MBNL2: variants seen among roughly 807,000 people sequenced by gnomAD.
MBNL2 encodes the protein muscleblind-like protein 2.
In MBNL2, 17 loss-of-function variants were observed where a neutral mutation model predicts 41.9. The observed-to-expected ratio is 0.41, with a 90% confidence interval of 0.28 to 0.61. MBNL2 has a LOEUF of 0.61. Ranked by LOEUF, MBNL2 falls within the 20% of genes least tolerant of loss-of-function variation. The pLI is 0.35. For missense variants in MBNL2, 336 were observed against 505.6 expected (o/e 0.66, Z 3.22); for synonymous variants, 195 against 182.9 (o/e 1.07, Z -0.53).
At chr13:97,195,692 A>G in the MBNL2 span, among the ~76,000 whole-genome samples, 91 of 152,338 alleles carry the variant, frequency 6.0e-4, 1 homozygote, top group Admixed American at 1.8e-3. Flanking sequence ...AATACCTGGT[A>G]TCAGATAATT....
intron 1 of MBNL2, among the ~76,000 whole-genome samples, chr13:97,271,138 T>TA (rs1566379991): frequency 1.3e-5 from 2 of 150,606 alleles, no homozygotes; most frequent in Non-Finnish European, 3.0e-5. Flanking sequence ...TTTTTTTTTT[T>TA]GAGACAGAGG....
At chr13:97,362,546 A>T (rs1022955762) in intron 7 of MBNL2, among the ~76,000 whole-genome samples, 2 of 152,124 alleles carry the variant, frequency 1.3e-5, no homozygotes, top group African/African-American at 4.8e-5. Context: ...CAGTTCAAAG[A>T]AAAGAAAAAT....
At chr13:97,226,284 C>A (rs2041600238) in intron 1 of MBNL2, among the ~76,000 whole-genome samples, 1 of 152,176 alleles carries the variant, frequency 6.6e-6, no homozygotes, top group African/African-American at 2.4e-5. Flanking sequence ...GGCTGGCCTG[C>A]CCTCCTCAAT....
chr13:97,188,101 A>G, the MBNL2 span, among the ~76,000 whole-genome samples: 1 of 152,192 alleles, frequency 6.6e-6, no homozygotes, highest in Non-Finnish European at 1.5e-5. Context: ...ATTCACCCGC[A>G]GAGTAATTGT....
chr13:97,144,160 T>A, the MBNL2 span, among the ~76,000 whole-genome samples: 1 of 151,680 alleles, frequency 6.6e-6, no homozygotes, highest in African/African-American at 2.4e-5. Context: ...AAATGATTAT[T>A]GATGTGGTGC....
chr13:97,310,020 TAAC>T (rs2058448995), intron 2 of MBNL2, among the ~76,000 whole-genome samples: 2 of 152,228 alleles, frequency 1.3e-5, no homozygotes, highest in Non-Finnish European at 2.9e-5. Flanking sequence ...TGAAGAGATT[TAAC>T]CAAAGTGGAG....
In MBNL2 at chr13:97,334,353, G is replaced by T. The variant is rs2060701189; in HGVS notation, c.252G>T (p.Arg84Ser). The change falls in exon 3 of 9, where the codon AGG (arginine) becomes AGT (serine). Residue 84 changes from arginine (R) to serine (S), a missense_variant. Transcript: ENST00000679496. The surrounding 1 kb of genome is among the most constrained non-coding windows in gnomAD (Gnocchi z 5.3). Reference protein sequence around the residue: ...HLKTQLEINGRNNLIQQKTAA... With the variant: ...HLKTQLEINGSNNLIQQKTAA... Reference sequence around the variant, plus strand: ...AAACTCAACTAGAAATTAATGGAAGGAACAATTTGATTCAGCAAAAAACTG... The same window carrying T: ...AAACTCAACTAGAAATTAATGGAAGTAACAATTTGATTCAGCAAAAAACTG... 6.2e-7 allele frequency: 1 copy of T among 1,613,504 alleles called. No homozygotes were observed. Among genetic ancestry groups the T allele is most frequent in the Non-Finnish European group, 8.5e-7 (1 of 1,179,728 alleles).
At chr13:97,301,256 G>A (rs1028457002) in intron 2 of MBNL2, among the ~76,000 whole-genome samples, 6 of 152,130 alleles carry the variant, frequency 3.9e-5, no homozygotes, top group African/African-American at 1.2e-4. Flanking sequence ...TTTTGCCTGC[G>A]TTACTCCATT....
intron 2 of MBNL2, among the ~76,000 whole-genome samples, chr13:97,299,648 A>ATATC (rs59785563): frequency 0.11 from 16,304 of 149,290 alleles, 959 homozygotes; most frequent in African/African-American, 0.15. Flanking sequence ...TAGAATTACT[A>ATATC]TATCTATCTA....
chr13:97,272,396 T>C (rs1424673322), intron 1 of MBNL2, among the ~76,000 whole-genome samples: 1 of 152,232 alleles, frequency 6.6e-6, no homozygotes, highest in Non-Finnish European at 1.5e-5. Flanking sequence ...TCCCATTCTG[T>C]AGGTTGCCCG....
chr13:97,376,381 T>G (rs2064969036), intron 8 of MBNL2, among the ~76,000 whole-genome samples: 1 of 152,206 alleles, frequency 6.6e-6, no homozygotes, highest in Non-Finnish European at 1.5e-5. Context: ...ACCCCTTCAT[T>G]TTGATTTGTA....
chr13:97,351,144 G>A lies in MBNL2; in HGVS notation c.804+4077G>A, dbSNP rs997960170. 2.7e-4 allele frequency among the ~76,000 whole-genome samples: 41 copies of A among 152,228 alleles called. 1 individual carries two copies. Among genetic ancestry groups the A allele is most frequent in the African/African-American group, 9.4e-4 (39 of 41,444 alleles). On this transcript the variant is annotated intron_variant, in intron 5 of 8. Coordinates refer to ENST00000679496, the MANE Select transcript of MBNL2 (RefSeq NM_001382683.1). ...TACATCTCCACTGGAGCCCTTGGGT[G>A]ATCAGGTGCATTGTCAATGAGCAGT...
At chr13:97,242,877 TC>T (rs1360377820) in intron 1 of MBNL2, among the ~76,000 whole-genome samples, 1 of 152,168 alleles carries the variant, frequency 6.6e-6, no homozygotes, top group East Asian at 1.9e-4. Context: ...GGAGTCGTTG[TC>T]CAATGACATC....
chr13:97,297,222 A>C (rs2152992113), intron 2 of MBNL2, among the ~76,000 whole-genome samples: 1 of 152,226 alleles, frequency 6.6e-6, no homozygotes, highest in East Asian at 1.9e-4. Context: ...AGGGCCTAAC[A>C]TACATGAGGT....
chr13:97,368,635 G>T (rs527378194), intron 8 of MBNL2, among the ~76,000 whole-genome samples: 1 of 151,920 alleles, frequency 6.6e-6, no homozygotes, highest in South Asian at 2.1e-4. Flanking sequence ...CAAGCCTAGT[G>T]ATTCTTTGGC....
At chr13:97,372,472 A>ATTGGCCTTAGGAAGGCCTTACAAAG (rs1195909502) in intron 8 of MBNL2, among the ~76,000 whole-genome samples, 7 of 152,340 alleles carry the variant, frequency 4.6e-5, no homozygotes, top group African/African-American at 9.6e-5. Context: ...AATGTACTTA[A>ATTGGCCTTAGGAAGGCCTTACAAAG]TTGGCCTTAG....
the MBNL2 span, among the ~76,000 whole-genome samples, chr13:97,146,019 C>G: frequency 6.8e-6 from 1 of 148,112 alleles, no homozygotes; most frequent in African/African-American, 2.5e-5. Flanking sequence ...GAGTCTCACT[C>G]TGTCACCAGG....
chr13:97,334,148 C>A lies in MBNL2; in HGVS notation c.175-128C>A, dbSNP rs45443001. On this transcript the variant is annotated intron_variant, in intron 2 of 8. Transcript: ENST00000679496. The surrounding 1 kb of genome is among the most constrained non-coding windows in gnomAD (Gnocchi z 5.3). ...AACACATGAGCATGCGCGCGCACAC[C>A]CACACACACACACACACACACACAC... 8.1e-4 allele frequency: 442 copies of A among 547,198 alleles called. No individual in the cohort carries two copies. The highest frequency in any genetic ancestry group is 2.8e-3 in the African/African-American group (141 of 49,674). 33.9% of individuals were successfully genotyped at this position (547,198 alleles called of 1,614,324 possible). A position where few individuals can be genotyped will look rare whatever the true frequency, so the allele number is the denominator to read the frequency against.
At chr13:97,211,951 G>C in the MBNL2 span, among the ~76,000 whole-genome samples, 1 of 152,180 alleles carries the variant, frequency 6.6e-6, no homozygotes, top group Admixed American at 6.5e-5. Context: ...GAAAGAGATA[G>C]CAGTATTTTG....
Sources: allele counts gnomAD v4.1 joint callset (sites outside exome capture counted in the v4.1 genomes callset), GRCh38; gene constraint gnomAD v4.1.1; non-coding constraint Gnocchi (gnomAD v3.1); transcripts MANE v1.5; gene names NCBI Gene and HGNC (gene_info 2026-07-23, HGNC 2026-07-21).